The following TNFRSF11A variants were observed in gnomAD, a reference collection of about 807,000 sequenced individuals.
TNFRSF11A encodes tumor necrosis factor receptor superfamily member 11A.
TNFRSF11A carries 32 observed loss-of-function variants against 55.7 expected under a neutral mutation model. The observed-to-expected ratio is 0.57, with a 90% CI of 0.43 to 0.77. The LOEUF is 0.77. TNFRSF11A is among the 30% of genes least tolerant of loss of function. TNFRSF11A has a pLI of 0.00. For synonymous variants in TNFRSF11A, 311 were observed against 331.0 expected (o/e 0.94, Z 0.65); for missense variants, 753 against 809.8 (o/e 0.93, Z 0.85).
At chr18:62,351,737 A>G (rs530501808) in intron 3 of TNFRSF11A, among the ~76,000 whole-genome samples, 88 of 152,322 alleles carry the variant, frequency 5.8e-4, no homozygotes, top group Non-Finnish European at 9.8e-4. Context: ...CATTCTCCCA[A>G]GGACTTATAT....
intron 2 of TNFRSF11A, among the ~76,000 whole-genome samples, chr18:62,348,797 G>A (rs937517301): frequency 4.6e-5 from 7 of 152,312 alleles, no homozygotes; most frequent in East Asian, 1.9e-4. Context: ...CACAGTCCAC[G>A]GGGCCCGCAC....
chr18:62,346,687 G>A (rs1302740913), intron 1 of TNFRSF11A, among the ~76,000 whole-genome samples: 3 of 152,326 alleles, frequency 2.0e-5, no homozygotes, highest in South Asian at 4.1e-4. Flanking sequence ...AGAAAGGTCC[G>A]TGATGGCTGT....
intron 6 of TNFRSF11A, among the ~76,000 whole-genome samples, chr18:62,360,446 CT>C (rs555339154): frequency 7.6e-4 from 112 of 147,924 alleles, no homozygotes; most frequent in African/African-American, 2.0e-3. Context: ...TTAAATTAAT[CT>C]TTTTTTTTTT....
At chr18:62,327,503 C>G (rs1387388403) in intron 1 of TNFRSF11A, among the ~76,000 whole-genome samples, 1 of 152,186 alleles carries the variant, frequency 6.6e-6, no homozygotes, top group African/African-American at 2.4e-5. Context: ...CTAGATGCAG[C>G]CTTAAAATAA....
intron 2 of TNFRSF11A, 105 bp downstream of exon 2, chr18:62,348,354 T>G: frequency 2.1e-6 from 2 of 949,692 alleles, no homozygotes; most frequent in Non-Finnish European, 3.4e-6. Context: ...ATAGACGCGT[T>G]ATGGTAGTGG....
rs1568486129 is a variant in TNFRSF11A at position 62,361,667 on chromosome 18, T to G, written c.617-13T>G. 2 of 1,606,564 alleles carry G rather than the reference T, an allele frequency of 1.2e-6. No homozygotes were observed. The highest frequency in any genetic ancestry group is 3.3e-5 in the Admixed American group (2 of 60,010). ...ATCTTTACTACCATATTTCTCATTT[T>G]CTTCCAATACAGAACCCCATGTTTA... On this transcript the variant is annotated splice_polypyrimidine_tract_variant and intron_variant, in intron 6 of 9. Coordinates refer to ENST00000586569, the MANE Select transcript of TNFRSF11A (RefSeq NM_003839.4).
At chr18:62,345,021 G>C (rs1351905470) in intron 1 of TNFRSF11A, among the ~76,000 whole-genome samples, 1 of 152,224 alleles carries the variant, frequency 6.6e-6, no homozygotes, top group Non-Finnish European at 1.5e-5. Flanking sequence ...GGGACAAGTC[G>C]GTCAATCCTC....
intron 9 of TNFRSF11A, among the ~76,000 whole-genome samples, chr18:62,376,976 G>T (rs1353616755): frequency 6.6e-6 from 1 of 152,046 alleles, no homozygotes; most frequent in African/African-American, 2.4e-5. Flanking sequence ...GTGCAGTGGC[G>T]TGATCTTGGC....
At chr18:62,329,633 A>G (rs753822682) in intron 1 of TNFRSF11A, among the ~76,000 whole-genome samples, 3 of 152,198 alleles carry the variant, frequency 2.0e-5, no homozygotes, top group African/African-American at 7.2e-5. Flanking sequence ...TTTCAGCAAA[A>G]TAGCCTTGAT....
rs771928246 is a variant in TNFRSF11A, at chr18:62,354,423, A to G, written c.316A>G (p.Ser106Gly). 2 of 1,594,260 alleles carry G rather than the reference A, an allele frequency of 1.3e-6. No homozygotes were observed. The highest frequency in any genetic ancestry group is 1.7e-5 in the Admixed American group (1 of 59,484). The change falls in exon 4 of 10, where the codon AGC becomes GGC. Residue 106 changes from serine to glycine, a missense_variant. This residue lies in a region of TNFRSF11A where 156 missense variants were observed against 155.1 expected (regional missense o/e 1.01). Coordinates refer to ENST00000586569, the MANE Select transcript of TNFRSF11A (RefSeq NM_003839.4). ...KALVAVVAGN[S>G]TTPRRCACTA... is the part of the protein sequence containing the mutation. ...CCTGGTGGCCGTGGTCGCCGGCAAC[A>G]GCACGACCCCCCGGCGCTGCGCGTG...
chr18:62,384,284 TCCTCCTCCTTTTCCTCC>T (rs1314459107), intron 9 of TNFRSF11A, among the ~76,000 whole-genome samples: 1 of 144,436 alleles, frequency 6.9e-6, no homozygotes, highest in Non-Finnish European at 1.5e-5. Context: ...CCTCTTCCTC[TCCTCCTCCTTTTCCTCC>T]CCTCCTCCTT....
chr18:62,352,682 G>A (rs886147921), intron 3 of TNFRSF11A, among the ~76,000 whole-genome samples: 1 of 152,200 alleles, frequency 6.6e-6, no homozygotes, highest in African/African-American at 2.4e-5. Context: ...CCAGAGAAGT[G>A]GCATGTGTCT....
At chr18:62,328,472 A>G (rs947565912) in intron 1 of TNFRSF11A, among the ~76,000 whole-genome samples, 1 of 152,180 alleles carries the variant, frequency 6.6e-6, no homozygotes, top group Non-Finnish European at 1.5e-5. Flanking sequence ...AGCACAAATC[A>G]CCTAATTCAG....
intron 1 of TNFRSF11A, among the ~76,000 whole-genome samples, chr18:62,327,753 A>G (rs2046096392): frequency 6.6e-6 from 1 of 152,226 alleles, no homozygotes; most frequent in Non-Finnish European, 1.5e-5. Flanking sequence ...GATCGTATTT[A>G]GTTTCATTTT....
At chr18:62,363,835 G>T (rs146219359) in intron 7 of TNFRSF11A, among the ~76,000 whole-genome samples, 73 of 152,286 alleles carry the variant, frequency 4.8e-4, no homozygotes, top group East Asian at 2.3e-3. Context: ...CTGATGTTTT[G>T]TTCTTTAGGT....
chr18:62,328,290 A>G (rs1002312233), intron 1 of TNFRSF11A, among the ~76,000 whole-genome samples: 50 of 152,138 alleles, frequency 3.3e-4, no homozygotes, highest in African/African-American at 1.2e-3. Flanking sequence ...GGGTTTCCCA[A>G]GTGGTCTTGG....
chr18:62,362,362 T>G (rs1909755275), intron 7 of TNFRSF11A, among the ~76,000 whole-genome samples: 1 of 151,928 alleles, frequency 6.6e-6, no homozygotes, highest in South Asian at 2.1e-4. Flanking sequence ...TGGTGGCACA[T>G]GCCTGTAATT....
chr18:62,347,570 A>C (rs1018622630), intron 1 of TNFRSF11A, among the ~76,000 whole-genome samples: 1 of 152,148 alleles, frequency 6.6e-6, no homozygotes. Context: ...AGCCCCTACA[A>C]CACCTTGCTT....
rs72931559 is a variant in TNFRSF11A, at chr18:62,325,764, C to A, written c.75+337C>A. Among the ~76,000 whole-genome samples, 5 of 152,126 alleles carry A rather than the reference C, an allele frequency of 3.3e-5. No individual in the cohort carries two copies. The highest frequency in any genetic ancestry group is 4.4e-5 in the Non-Finnish European group (3 of 68,016). Reference sequence around the variant, plus strand: ...GCACCTACTAAGCGCTTGCGCCGGGCGGTGCCGCGGGAGACAGCGCCGTGG... The same window carrying A: ...GCACCTACTAAGCGCTTGCGCCGGGAGGTGCCGCGGGAGACAGCGCCGTGG... On this transcript the variant is annotated intron_variant, in intron 1 of 9. Coordinates refer to ENST00000586569, the MANE Select transcript of TNFRSF11A (RefSeq NM_003839.4). The surrounding 1 kb of genome is among the most constrained non-coding windows in gnomAD (Gnocchi z 4.7).
Sources: gnomAD v4.1 joint callset for allele counts (sites outside exome capture counted in the v4.1 genomes callset) on GRCh38, gnomAD v4.1.1 for gene constraint, gnomAD v4.1.1 regional missense constraint, Gnocchi (gnomAD v3.1) non-coding constraint, MANE v1.5 for transcripts, NCBI Gene and HGNC (gene_info 2026-07-23, HGNC 2026-07-21) for gene names.